MARCHF8: variants seen among roughly 807,000 people sequenced by gnomAD.
The protein encoded by MARCHF8 is E3 ubiquitin-protein ligase MARCHF8.
A neutral mutation model predicts 51.6 loss-of-function variants in MARCHF8; 40 were observed. The observed-to-expected ratio is 0.77, with a 90% CI of 0.60 to 1.01. MARCHF8 has a LOEUF of 1.01. Among genes scored for constraint, MARCHF8 ranks in the 50% least tolerant of loss-of-function variants. MARCHF8 has a pLI of 0.00. For synonymous variants in MARCHF8, 263 were observed against 280.3 expected (o/e 0.94, Z 0.62); for missense variants, 685 against 708.6 (o/e 0.97, Z 0.38).
chr10:45,564,074 G>A (rs1421447657), intron 1 of MARCHF8, among the ~76,000 whole-genome samples: 5 of 152,248 alleles, frequency 3.3e-5, no homozygotes, highest in East Asian at 1.9e-4. Flanking sequence ...TCAGGAGTTC[G>A]AAACCAGCCT....
At chr10:45,489,454 T>C in intron 2 of MARCHF8, 37 bp from the exon 3 acceptor site, 7 of 1,542,256 alleles carry the variant, frequency 4.5e-6, no homozygotes, top group Non-Finnish European at 6.3e-6. Context: ...TTATCAATCT[T>C]TGATTAAAAT....
intron 2 of MARCHF8, among the ~76,000 whole-genome samples, chr10:45,516,823 G>A (rs962149135): frequency 5.3e-5 from 8 of 151,470 alleles, no homozygotes; most frequent in South Asian, 2.1e-4. Context: ...AATTAACAGC[G>A]ACATAAAGAT....
chr10:45,561,883 G>A (rs568178057), intron 1 of MARCHF8, among the ~76,000 whole-genome samples: 36 of 139,860 alleles, frequency 2.6e-4, no homozygotes, highest in African/African-American at 8.8e-4. Flanking sequence ...CCTGGGCAAC[G>A]GAGCAAGACT....
chr10:45,511,991 C>G (rs1337664920), intron 2 of MARCHF8, among the ~76,000 whole-genome samples: 1 of 150,262 alleles, frequency 6.7e-6, no homozygotes, highest in Non-Finnish European at 1.5e-5. Context: ...GCCATCCCAT[C>G]TAGGAAGTGA....
chr10:45,585,761 A>G (rs907810735), intron 1 of MARCHF8, among the ~76,000 whole-genome samples: 3 of 152,166 alleles, frequency 2.0e-5, no homozygotes, highest in Non-Finnish European at 2.9e-5. Context: ...TATTTGAAAA[A>G]TGAAAACATC....
intron 2 of MARCHF8, among the ~76,000 whole-genome samples, chr10:45,515,091 ATTC>A (rs1223211322): frequency 6.6e-6 from 1 of 152,224 alleles, no homozygotes; most frequent in Non-Finnish European, 1.5e-5. Context: ...TCTCATTGGT[ATTC>A]TTCTAGGAAG....
chr10:45,504,727 A>C (rs2043348943), intron 2 of MARCHF8, among the ~76,000 whole-genome samples: 1 of 152,212 alleles, frequency 6.6e-6, no homozygotes, highest in African/African-American at 2.4e-5. Flanking sequence ...GGTGTTTCCT[A>C]AATTTAAAGA....
chr10:45,556,688 G>A lies in MARCHF8; in HGVS notation c.-78-23399C>T, dbSNP rs543744234. On this transcript the variant is annotated intron_variant, in intron 1 of 6. Coordinates refer to the MARCHF8 transcript ENST00000319836. ...TCTTTCCACAAAAGAGGCATCTGGG[G>A]GTCAAGTCCCTTATTTCTCTGAATT... Among the ~76,000 whole-genome samples the A allele has an allele frequency of 1.1e-4, 16 of 152,260 alleles. No homozygotes were observed. The South Asian group carries it at 2.9e-3, about 28-fold the overall frequency.
intron 3 of MARCHF8, among the ~76,000 whole-genome samples, chr10:45,476,130 A>G (rs1378039246): frequency 1.3e-5 from 2 of 152,252 alleles, no homozygotes; most frequent in Non-Finnish European, 2.9e-5. Context: ...AGACGTGCAG[A>G]GATTAACATA....
chr10:45,584,006 CAAAAA>C (rs67624741), intron 1 of MARCHF8, among the ~76,000 whole-genome samples: 3,430 of 52,972 alleles, frequency 0.065, 92 homozygotes, highest in Non-Finnish European at 0.094. Flanking sequence ...ACTTCATTTC[CAAAAA>C]AAAAAAAAAA....
chr10:45,558,763 G>A (rs1032110781), intron 1 of MARCHF8, among the ~76,000 whole-genome samples: 1 of 152,186 alleles, frequency 6.6e-6, no homozygotes, highest in East Asian at 1.9e-4. Context: ...TGAGACCGGA[G>A]AGCATGCGGG....
At chr10:45,548,467 A>G (rs2044154290) in intron 1 of MARCHF8, among the ~76,000 whole-genome samples, 1 of 152,166 alleles carries the variant, frequency 6.6e-6, no homozygotes, top group African/African-American at 2.4e-5. Context: ...ACCAGGTGCA[A>G]TTAACTGGAA....
At chr10:45,511,832 C>T (rs879788903) in intron 2 of MARCHF8, among the ~76,000 whole-genome samples, 34 of 151,110 alleles carry the variant, frequency 2.3e-4, no homozygotes, top group Non-Finnish European at 3.8e-4. Context: ...GCCGCCACCC[C>T]GTCTGGGAAG....
At chr10:45,535,137 G>A (rs2043953580) in intron 1 of MARCHF8, 74 bp downstream of exon 1, 1 of 152,190 alleles carries the variant, frequency 6.6e-6, no homozygotes, top group Non-Finnish European at 1.5e-5. Flanking sequence ...GGCATAAGAT[G>A]GAGCACTACT....
chr10:45,473,730 A>G (rs777374859), intron 3 of MARCHF8, among the ~76,000 whole-genome samples: 8 of 152,170 alleles, frequency 5.3e-5, no homozygotes, highest in Non-Finnish European at 7.3e-5. Flanking sequence ...CAGCCTCTAT[A>G]GGATTTTAGG....
chr10:45,514,794 AT>A (rs1020853232), intron 2 of MARCHF8, among the ~76,000 whole-genome samples: 4 of 152,026 alleles, frequency 2.6e-5, no homozygotes, highest in Admixed American at 6.6e-5. Flanking sequence ...TACTTGAAAT[AT>A]TTTTTTTAAT....
chr10:45,468,004 C>T (rs1843027027), intron 3 of MARCHF8, among the ~76,000 whole-genome samples: 1 of 152,146 alleles, frequency 6.6e-6, no homozygotes, highest in Admixed American at 6.5e-5. Context: ...TAAAAATCCT[C>T]CCTTCTTCAG....
chr10:45,479,527 G>A (rs752978001), intron 3 of MARCHF8, among the ~76,000 whole-genome samples: 3 of 152,170 alleles, frequency 2.0e-5, no homozygotes, highest in Non-Finnish European at 4.4e-5. Context: ...ACAGGTTGTG[G>A]GAGGGACTCA....
At chr10:45,552,135 T>A (rs1366179366) in intron 1 of MARCHF8, among the ~76,000 whole-genome samples, 1 of 152,170 alleles carries the variant, frequency 6.6e-6, no homozygotes, top group Non-Finnish European at 1.5e-5. Context: ...CTTTGTATCC[T>A]TCCAGTTTCC....
Sources: gnomAD v4.1 joint callset for allele counts (sites outside exome capture counted in the v4.1 genomes callset) on GRCh38, gnomAD v4.1.1 for gene constraint, MANE v1.5 for transcripts, NCBI Gene and HGNC (gene_info 2026-07-23, HGNC 2026-07-21) for gene names.